Variants in METTL15 observed in about 807,000 individuals in gnomAD.
METTL15 encodes the protein 12S rRNA N(4)-cytidine methyltransferase METTL15.
A neutral mutation model predicts 38.3 loss-of-function variants in METTL15; 34 were observed. The ratio of observed to expected loss-of-function variants is 0.89; its 90% confidence interval spans 0.68 to 1.18. The LOEUF (loss-of-function observed/expected upper bound fraction) is 1.18, where lower values mean the gene tolerates loss of function less well. Ranked by LOEUF, METTL15 falls within the 50% of genes most tolerant of loss-of-function variation. The pLI, the probability that METTL15 is intolerant of heterozygous loss-of-function variation, is 0.00. For synonymous variants in METTL15, 162 were observed against 170.9 expected (o/e 0.95, Z 0.41); for missense variants, 438 against 498.4 (o/e 0.88, Z 1.15).
chr11:28,468,373 C>T (rs1237154617), intron 6 of METTL15, among the ~76,000 whole-genome samples: 1 of 151,984 alleles, frequency 6.6e-6, no homozygotes, highest in East Asian at 1.9e-4. Flanking sequence ...GATGGTAGTG[C>T]GTTCACGAAA....
chr11:28,420,752 C>G (rs916299242), intron 5 of METTL15, among the ~76,000 whole-genome samples: 7 of 151,680 alleles, frequency 4.6e-5, no homozygotes, highest in Non-Finnish European at 8.8e-5. Flanking sequence ...CTATAAGTGC[C>G]TACATCAAAA....
At chr11:28,511,111 T>C (rs2585807) in intron 6 of METTL15, among the ~76,000 whole-genome samples, 130,860 of 152,162 alleles carry the variant, frequency 0.86, 56,681 homozygotes, top group African/African-American at 0.95. Context: ...TATACACATG[T>C]ACGCACTCAT....
At chr11:28,178,089 G>A (rs889440525) in intron 3 of METTL15, among the ~76,000 whole-genome samples, 6 of 151,816 alleles carry the variant, frequency 4.0e-5, no homozygotes, top group African/African-American at 1.4e-4. Flanking sequence ...TTGATGAGTG[G>A]CTGCCCAATT....
intron 5 of METTL15, among the ~76,000 whole-genome samples, chr11:28,414,755 A>T (rs1416144963): frequency 6.6e-6 from 1 of 152,220 alleles, no homozygotes; most frequent in Non-Finnish European, 1.5e-5. Flanking sequence ...TGCTGATATC[A>T]TCATAGATAC....
rs1849982265 is a variant in METTL15 at position 28,344,689 on chromosome 11, T to C, written c.*190-7401T>C. Among the ~76,000 whole-genome samples the C allele has an allele frequency of 2.6e-5, 4 of 152,312 alleles. No individual in the cohort carries two copies. The South Asian group carries it at 8.3e-4, about 32-fold the overall frequency. ...TTTTGTCATCAATTAATATGGCCAGTGTCCCTGCAAAGCTAAGCTGGGCCC... is the reference window on the plus strand; with the variant it reads ...TTTTGTCATCAATTAATATGGCCAGCGTCCCTGCAAAGCTAAGCTGGGCCC... On this transcript the variant is annotated intron_variant and NMD_transcript_variant, in intron 3 of 7. Coordinates refer to the METTL15 transcript ENST00000532947.
intron 6 of METTL15, among the ~76,000 whole-genome samples, chr11:28,484,138 A>G (rs976490394): frequency 6.6e-6 from 1 of 152,192 alleles, no homozygotes; most frequent in Non-Finnish European, 1.5e-5. Flanking sequence ...AGCACATATT[A>G]AGTACTTGCT....
At chr11:28,333,917 G>T (rs1849876270), downstream of METTL15, among the ~76,000 whole-genome samples, 1 of 151,680 alleles carries the variant, frequency 6.6e-6, no homozygotes. Context: ...TCTTTGCAGA[G>T]TATTACATAC....
At chr11:28,344,947 C>T (rs935682552) in intron 3 of METTL15, among the ~76,000 whole-genome samples, 1 of 151,884 alleles carries the variant, frequency 6.6e-6, no homozygotes, top group Non-Finnish European at 1.5e-5. Context: ...ATTTTTTCAC[C>T]ATGTAATCAA....
At chr11:28,402,258 C>A (rs1850637187) in intron 5 of METTL15, among the ~76,000 whole-genome samples, 1 of 151,954 alleles carries the variant, frequency 6.6e-6, no homozygotes, top group African/African-American at 2.4e-5. Context: ...CCTAAATACT[C>A]TCCAGTGCCT....
chr11:28,311,221 C>G (rs1857292996), intron 6 of METTL15, among the ~76,000 whole-genome samples: 1 of 151,996 alleles, frequency 6.6e-6, no homozygotes, highest in Admixed American at 6.6e-5. Context: ...AATCCTTTCT[C>G]TTTCTCAGTG....
chr11:28,202,752 A>G (rs1852162834), intron 3 of METTL15, among the ~76,000 whole-genome samples: 1 of 152,118 alleles, frequency 6.6e-6, no homozygotes, highest in Non-Finnish European at 1.5e-5. Context: ...ATTGCCAGAA[A>G]AGATTCATAG....
At chr11:28,354,640 T>C (rs1201547178) in intron 4 of METTL15, among the ~76,000 whole-genome samples, 1 of 152,164 alleles carries the variant, frequency 6.6e-6, no homozygotes, top group Non-Finnish European at 1.5e-5. Context: ...GTATCCTACT[T>C]AGTTCAGCTC....
At chr11:28,194,122 A>ATCTTTCCTTCTTTCTTTCTT (rs1554995566) in intron 3 of METTL15, among the ~76,000 whole-genome samples, 1 of 99,078 alleles carries the variant, frequency 1.0e-5, no homozygotes, top group African/African-American at 4.0e-5. Flanking sequence ...TTGATGGTTG[A>ATCTTTCCTTCTTTCTTTCTT]TCTTTCTTTC....
chr11:28,269,779 T>C (rs1236673494), intron 4 of METTL15, among the ~76,000 whole-genome samples: 1 of 152,206 alleles, frequency 6.6e-6, no homozygotes, highest in Non-Finnish European at 1.5e-5. Flanking sequence ...AATATTAAAA[T>C]ATGTGCTGTG....
At chr11:28,454,167 C>T (rs1488270792) in intron 6 of METTL15, among the ~76,000 whole-genome samples, 2 of 152,144 alleles carry the variant, frequency 1.3e-5, no homozygotes, top group Non-Finnish European at 2.9e-5. Context: ...ATCAGTTAGC[C>T]AATACCAAAG....
chr11:28,452,956 C>T (rs958288066), intron 6 of METTL15, among the ~76,000 whole-genome samples: 2 of 152,174 alleles, frequency 1.3e-5, no homozygotes, highest in Admixed American at 6.5e-5. Flanking sequence ...CATTCATTAA[C>T]CTCTTTACTA....
intron 5 of METTL15, among the ~76,000 whole-genome samples, chr11:28,417,852 A>G (rs1469956147): frequency 6.6e-6 from 1 of 152,210 alleles, no homozygotes; most frequent in Non-Finnish European, 1.5e-5. Context: ...TCTGGTTACA[A>G]AGTTCATATG....
intron 4 of METTL15, among the ~76,000 whole-genome samples, chr11:28,354,597 C>T (rs1396928419): frequency 1.3e-5 from 2 of 151,922 alleles, no homozygotes; most frequent in African/African-American, 4.8e-5. Flanking sequence ...GGCTTGAGGG[C>T]AGCAGTGGAT....
intron 3 of METTL15, among the ~76,000 whole-genome samples, chr11:28,343,947 A>C (rs201372836): frequency 2.0e-5 from 3 of 152,236 alleles, no homozygotes; most frequent in Non-Finnish European, 4.4e-5. Context: ...AAAGAAATAA[A>C]GAAATGAATG....
Sources: gnomAD v4.1 joint callset for allele counts (sites outside exome capture counted in the v4.1 genomes callset) on GRCh38, gnomAD v4.1.1 for gene constraint, MANE v1.5 for transcripts, NCBI Gene and HGNC (gene_info 2026-07-23, HGNC 2026-07-21) for gene names.